ABCE1: variants seen among roughly 807,000 people sequenced by gnomAD.
ABCE1 encodes the protein ATP-binding cassette sub-family E member 1.
Under a neutral mutation model 83.4 loss-of-function variants are expected in ABCE1, and 22 were observed. That is an observed-to-expected ratio of 0.26 (90% CI 0.19 to 0.38). The LOEUF is 0.38. Ranked by LOEUF, ABCE1 falls within the 10% of genes least tolerant of loss-of-function variation. The pLI is 1.00. For synonymous variants in ABCE1, 204 were observed against 233.7 expected (o/e 0.87, Z 1.16); for missense variants, 330 against 721.9 (o/e 0.46, Z 6.22).
At chr4:145,111,388 A>G (rs771717367) in intron 8 of ABCE1, among the ~76,000 whole-genome samples, 7 of 152,154 alleles carry the variant, frequency 4.6e-5, no homozygotes, top group African/African-American at 1.2e-4. Flanking sequence ...CAGTGGCGCA[A>G]TCTTGGCTCA....
At chr4:145,104,816 T>C (rs1444391326) in intron 2 of ABCE1, among the ~76,000 whole-genome samples, 1 of 151,278 alleles carries the variant, frequency 6.6e-6, no homozygotes, top group Non-Finnish European at 1.5e-5. Flanking sequence ...TTATAATTAC[T>C]TTAATATTAT....
chr4:145,122,085 TTTAG>T (rs1749762527), intron 13 of ABCE1: 1 of 152,108 alleles, frequency 6.6e-6, no homozygotes, highest in Non-Finnish European at 1.5e-5. Flanking sequence ...GCAAATGTCT[TTTAG>T]TTATTCAGCC....
chr4:145,125,059 A>G lies in ABCE1; in HGVS notation c.1710A>G (p.Pro570=), dbSNP rs567150230. ...SQLEITFRRD[P]NNYRPRINKL... ...TTGAAATTACATTCAGAAGAGATCC[A>G]AACAACTATAGGCCACGAATAAACA... Residue 570 remains proline (P), a synonymous_variant, in exon 17 of 18, where the codon CCA becomes CCG. Transcript: ENST00000296577. 5.6e-6 allele frequency: 9 copies of G among 1,613,338 alleles called. No individual in the cohort carries two copies. The Admixed American group carries it at 6.7e-5, about 12-fold the overall frequency.
intron 1 of ABCE1, among the ~76,000 whole-genome samples, chr4:145,103,971 A>G (rs1468105414): frequency 6.6e-6 from 1 of 151,914 alleles, no homozygotes; most frequent in Non-Finnish European, 1.5e-5. Flanking sequence ...TTAAATATAT[A>G]AATTCAGGAA....
intron 1 of ABCE1, among the ~76,000 whole-genome samples, chr4:145,101,995 G>A (rs1749165779): frequency 6.6e-6 from 1 of 152,138 alleles, no homozygotes; most frequent in Admixed American, 6.5e-5. Context: ...AAATGACCAA[G>A]TCTTAGAGCA....
chr4:145,108,217 A>G (rs550604742), intron 4 of ABCE1, 105 bp downstream of exon 4: 1 of 945,992 alleles, frequency 1.1e-6, no homozygotes, highest in African/African-American at 1.7e-5. Flanking sequence ...TTAACCAGTC[A>G]CTAAAGGAAA....
intron 16 of ABCE1, among the ~76,000 whole-genome samples, chr4:145,124,179 A>G (rs1223888489): frequency 1.3e-5 from 2 of 152,214 alleles, no homozygotes; most frequent in African/African-American, 4.8e-5. Flanking sequence ...GCTAAAGCCT[A>G]TATTATTAGA....
chr4:145,126,969 TTG>T (rs1319358485), intron 17 of ABCE1, among the ~76,000 whole-genome samples: 1 of 152,156 alleles, frequency 6.6e-6, no homozygotes, highest in Non-Finnish European at 1.5e-5. Flanking sequence ...TAAGGACACT[TTG>T]TATTGTCATT....
rs563983684 is a variant in ABCE1, at chr4:145,112,208, T to C, written c.711-31T>C. On this transcript the variant is annotated intron_variant, in intron 8 of 17. Coordinates refer to ENST00000296577, the MANE Select transcript of ABCE1 (RefSeq NM_002940.3). The stretch of plus-strand genomic sequence containing the variant: ...GGTAGAATGTCTTGTCTTTCAAACT[T>C]ATATTTGCTTTTTTTTTTTTTTTTT... 48 of 1,450,086 alleles carry C rather than the reference T, an allele frequency of 3.3e-5. 1 individual carries two copies. The South Asian group carries it at 6.1e-4, about 18-fold the overall frequency. The allele number at this position is 1,450,086 out of a possible 1,614,324, so 89.8% of individuals were successfully genotyped here.
intron 2 of ABCE1, among the ~76,000 whole-genome samples, chr4:145,104,823 T>TTA (rs1204696725): frequency 6.6e-6 from 1 of 151,250 alleles, no homozygotes; most frequent in Non-Finnish European, 1.5e-5. Flanking sequence ...TACTTTAATA[T>TTA]TATATATATA....
Position 145,128,809 on chromosome 4 carries a change from CTTGA to C in ABCE1, c.*1239_*1242del, listed in dbSNP as rs1376343954. The C allele has an allele frequency of 6.6e-6, 1 of 152,156 alleles. No individual in the cohort carries two copies. The highest frequency in any genetic ancestry group is 2.4e-5 in the African/African-American group (1 of 41,442). 9.4% of individuals were successfully genotyped at this position (152,156 alleles called of 1,614,324 possible). A position where few individuals can be genotyped will look rare whatever the true frequency, so the allele number is the denominator to read the frequency against. On this transcript the variant is annotated 3_prime_UTR_variant, in exon 18 of 18. Transcript: ENST00000296577. ...AAGAGCTACTTGAAATAACAGAAGT[CTTGA>C]TTAATATGCAAATAATGGCTAGAAA...
At chr4:145,105,396 CA>C (rs1435703487) in intron 2 of ABCE1, among the ~76,000 whole-genome samples, 6 of 152,124 alleles carry the variant, frequency 3.9e-5, no homozygotes, top group Middle Eastern at 3.4e-3. Context: ...TCCCTGCTGC[CA>C]AACAAGGATA....
chr4:145,116,805 T>G (rs778510916), intron 9 of ABCE1, among the ~76,000 whole-genome samples: 3 of 151,950 alleles, frequency 2.0e-5, no homozygotes, highest in African/African-American at 7.2e-5. Flanking sequence ...TATTTTGCCA[T>G]GTAATCTTTT....
intron 1 of ABCE1, among the ~76,000 whole-genome samples, chr4:145,103,632 G>A (rs549793971): frequency 3.3e-5 from 5 of 152,296 alleles, no homozygotes; most frequent in Admixed American, 1.3e-4. Flanking sequence ...TGTACACGAC[G>A]TGAAGTAATG....
At chr4:145,119,661 C>G (rs1749688634) in intron 10 of ABCE1, among the ~76,000 whole-genome samples, 1 of 151,902 alleles carries the variant, frequency 6.6e-6, no homozygotes. Flanking sequence ...ATCATGTGCT[C>G]TCTTTTGCAT....
chr4:145,122,501 G>T (rs927118408), intron 13 of ABCE1: 1 of 151,962 alleles, frequency 6.6e-6, no homozygotes, highest in Non-Finnish European at 1.5e-5. Context: ...TTATTGCAGG[G>T]GCTGTGGAGT....
chr4:145,103,918 C>A (rs1042708332), intron 1 of ABCE1, among the ~76,000 whole-genome samples: 43 of 151,998 alleles, frequency 2.8e-4, no homozygotes, highest in African/African-American at 1.0e-3. Context: ...CACACCACCA[C>A]ATGTCTGGGG....
At chr4:145,115,007 G>A (rs1171307819) in intron 9 of ABCE1, among the ~76,000 whole-genome samples, 1 of 151,896 alleles carries the variant, frequency 6.6e-6, no homozygotes. Flanking sequence ...TTGGACAAAA[G>A]AATAGAGATT....
Position 145,119,806 on chromosome 4 carries a change from A to G in ABCE1, c.923-126A>G, listed in dbSNP as rs1749696533. On this transcript the variant is annotated intron_variant, in intron 10 of 17. Coordinates refer to ENST00000296577, the MANE Select transcript of ABCE1 (RefSeq NM_002940.3). ...ATAGTTTTTTAAGTTACTTCTTTAT[A>G]TGCAGACCAACATGTTAGCAAAAAT... 3 of 659,818 alleles carry G rather than the reference A, an allele frequency of 4.5e-6. No individual in the cohort carries two copies. In the South Asian group the frequency reaches 5.6e-5, roughly 12 times the overall value. 40.9% of individuals were successfully genotyped at this position (659,818 alleles called of 1,614,324 possible). A position where few individuals can be genotyped will look rare whatever the true frequency, so the allele number is the denominator to read the frequency against.
Sources: allele counts gnomAD v4.1 joint callset (sites outside exome capture counted in the v4.1 genomes callset), GRCh38; gene constraint gnomAD v4.1.1; transcripts MANE v1.5; gene names NCBI Gene and HGNC (gene_info 2026-07-23, HGNC 2026-07-21).